The following PRKCE variants were observed in gnomAD, a reference collection of about 807,000 sequenced individuals.
PRKCE encodes the protein protein kinase C epsilon type.
A neutral mutation model predicts 85.4 loss-of-function variants in PRKCE; 16 were observed. That is an observed-to-expected ratio of 0.19 (90% confidence interval 0.13 to 0.28). The LOEUF is 0.28. PRKCE is among the 10% of genes least tolerant of loss of function. PRKCE has a pLI of 1.00. For synonymous variants in PRKCE, 388 were observed against 371.5 expected, an observed-to-expected ratio of 1.04 and a Z score of -0.51; for missense variants, 573 against 975.2, an observed-to-expected ratio of 0.59 and a Z score of 5.49.
chr2:45,936,234 C>T (rs1363671576), intron 2 of PRKCE, among the ~76,000 whole-genome samples: 1 of 152,230 alleles, frequency 6.6e-6, no homozygotes, highest in Non-Finnish European at 1.5e-5. Flanking sequence ...GGGGGTTACT[C>T]ACTTGCCTTC....
chr2:45,901,664 G>C (rs1035982839), intron 2 of PRKCE, among the ~76,000 whole-genome samples: 2 of 152,166 alleles, frequency 1.3e-5, no homozygotes, highest in Non-Finnish European at 2.9e-5. Context: ...CAGCTGATTC[G>C]TACAATGTGT....
In PRKCE at chr2:46,007,585, G is replaced by A. The variant is rs774561622; in HGVS notation, c.1187G>A (p.Arg396Gln). The A allele has an allele frequency of 3.8e-6, 6 of 1,599,772 alleles. No individual in the cohort carries two copies. The highest frequency in any genetic ancestry group is 2.2e-5 in the East Asian group (1 of 44,882). Residue 396 changes from arginine to glutamine, a missense_variant, in exon 9 of 15, where the codon CGG becomes CAG. Arg to Gln is a conservative substitution (Grantham distance 43). This residue lies in a region of PRKCE where 117 missense variants were observed against 104.8 expected (regional missense o/e 1.12). Transcript: ENST00000306156. ...AGCCCCGGTGAGAATGGCGAAGTCC[G>A]GCAAGGCCAGGCCAAGCGCCTGGGC... ...LMSPGENGEVRQGQAKRLGLD... is the reference protein window; with the variant it reads ...LMSPGENGEVQQGQAKRLGLD...
At chr2:46,017,196 C>T (rs1298531916) in intron 10 of PRKCE, among the ~76,000 whole-genome samples, 4 of 152,122 alleles carry the variant, frequency 2.6e-5, no homozygotes, top group Admixed American at 2.0e-4. Context: ...ACTCAATACC[C>T]ATTAAACAGT....
At chr2:46,108,968 A>G (rs575275721) in intron 11 of PRKCE, among the ~76,000 whole-genome samples, 64 of 144,808 alleles carry the variant, frequency 4.4e-4, no homozygotes, top group Non-Finnish European at 6.3e-4. Flanking sequence ...TTCTTTTTTT[A>G]TTGCATTGCC....
intron 10 of PRKCE, among the ~76,000 whole-genome samples, chr2:46,046,114 C>A (rs1708506471): frequency 6.6e-6 from 1 of 152,156 alleles, no homozygotes; most frequent in Non-Finnish European, 1.5e-5. Flanking sequence ...CCAGAGAGGC[C>A]AGTGCCCCTG....
intron 2 of PRKCE, among the ~76,000 whole-genome samples, chr2:45,948,174 G>A (rs11903566): frequency 0.12 from 18,654 of 152,162 alleles, 1,859 homozygotes; most frequent in East Asian, 0.46. Context: ...CAATGCACTG[G>A]GGTTAAGTCT....
chr2:45,833,783 T>C (rs138677003), intron 1 of PRKCE, among the ~76,000 whole-genome samples: 9 of 152,358 alleles, frequency 5.9e-5, no homozygotes, highest in African/African-American at 2.2e-4. Flanking sequence ...AAATGTGAAA[T>C]GCAAAGTGCA....
At chr2:45,794,242 G>T (rs4952774) in intron 1 of PRKCE, among the ~76,000 whole-genome samples, 17,948 of 152,046 alleles carry the variant, frequency 0.12, 1,173 homozygotes, top group South Asian at 0.16. Context: ...AAAAGCGATT[G>T]CTCATGTGGA....
chr2:46,117,866 A>G (rs993395889), intron 11 of PRKCE, among the ~76,000 whole-genome samples: 3 of 152,152 alleles, frequency 2.0e-5, no homozygotes, highest in African/African-American at 7.2e-5. Flanking sequence ...GTTGTTGCTA[A>G]GGATGTCAGG....
At chr2:45,762,762 C>A (rs1226313638) in intron 1 of PRKCE, among the ~76,000 whole-genome samples, 1 of 152,150 alleles carries the variant, frequency 6.6e-6, no homozygotes, top group Middle Eastern at 3.4e-3. Flanking sequence ...TGTAATCTAC[C>A]CAGCAACCTA....
intron 10 of PRKCE, among the ~76,000 whole-genome samples, chr2:46,029,765 G>T (rs1446267567): frequency 6.6e-6 from 1 of 150,778 alleles, no homozygotes; most frequent in African/African-American, 2.5e-5. Context: ...ACATCATCCT[G>T]TACAGAGGGA....
intron 2 of PRKCE, among the ~76,000 whole-genome samples, chr2:45,881,964 C>T (rs545717840): frequency 1.3e-5 from 2 of 152,196 alleles, no homozygotes; most frequent in Non-Finnish European, 2.9e-5. Flanking sequence ...CATTTCCTTG[C>T]CTTCCATTGG....
chr2:45,972,173 A>G (rs577021463), intron 2 of PRKCE, among the ~76,000 whole-genome samples: 1 of 152,230 alleles, frequency 6.6e-6, no homozygotes, highest in Non-Finnish European at 1.5e-5. Flanking sequence ...ATGAAGTGCC[A>G]TCTCATTGTA....
chr2:46,184,851 C>T lies in PRKCE; in HGVS notation c.2184C>T (p.Phe728=). 1.3e-6 allele frequency: 2 copies of T among 1,599,800 alleles called. No individual in the cohort carries two copies. Among genetic ancestry groups the T allele is most frequent in the Non-Finnish European group, 8.5e-7 (1 of 1,179,960 alleles). Reference sequence around the variant, plus strand: ...TCAACCAGGAGGAATTCAAAGGTTTCTCCTACTTTGGTGAAGACCTGATGC... The same window carrying T: ...TCAACCAGGAGGAATTCAAAGGTTTTTCCTACTTTGGTGAAGACCTGATGC... ...KQINQEEFKG[F]SYFGEDLMP The change falls in exon 15 of 15, where the codon TTC becomes TTT. Residue 728 remains phenylalanine (F), a synonymous_variant. Coordinates refer to ENST00000306156, the MANE Select transcript of PRKCE (RefSeq NM_005400.3). This position sits in a 1 kb window ranked among gnomAD's most constrained non-coding sequence, Gnocchi z 5.0.
chr2:45,841,764 C>G (rs1691371263), intron 1 of PRKCE, among the ~76,000 whole-genome samples: 1 of 152,236 alleles, frequency 6.6e-6, no homozygotes, highest in Non-Finnish European at 1.5e-5. Flanking sequence ...TTAATTCTGA[C>G]TGGGCATATC....
chr2:45,938,531 T>C (rs1699642720), intron 2 of PRKCE, among the ~76,000 whole-genome samples: 2 of 152,176 alleles, frequency 1.3e-5, no homozygotes, highest in African/African-American at 4.8e-5. Context: ...TTTCAACATT[T>C]CAGCGCCCAC....
chr2:45,877,380 C>G (rs1694556681), intron 2 of PRKCE, among the ~76,000 whole-genome samples: 1 of 152,012 alleles, frequency 6.6e-6, no homozygotes, highest in African/African-American at 2.4e-5. Context: ...TCTCTTCTCT[C>G]TCTGGGATCC....
At chr2:46,164,164 G>A (rs897016718) in intron 14 of PRKCE, among the ~76,000 whole-genome samples, 3 of 152,208 alleles carry the variant, frequency 2.0e-5, no homozygotes, top group African/African-American at 7.2e-5. Flanking sequence ...TCCCGACATT[G>A]GGAAAAAACC....
chr2:45,901,857 C>T (rs1696604813), intron 2 of PRKCE, among the ~76,000 whole-genome samples: 1 of 152,198 alleles, frequency 6.6e-6, no homozygotes, highest in African/African-American at 2.4e-5. Flanking sequence ...GTCTGTAAAA[C>T]CCTGAAGTCC....
Sources: gnomAD v4.1 joint callset for allele counts (sites outside exome capture counted in the v4.1 genomes callset) on GRCh38, gnomAD v4.1.1 for gene constraint, gnomAD v4.1.1 regional missense constraint, Gnocchi (gnomAD v3.1) non-coding constraint, MANE v1.5 for transcripts, NCBI Gene and HGNC (gene_info 2026-07-23, HGNC 2026-07-21) for gene names.